Variants in PLPP4 observed in about 807,000 individuals in gnomAD.
PLPP4 encodes the protein phospholipid phosphatase 4.
In PLPP4, 20 loss-of-function variants were observed where a neutral mutation model predicts 32.2. That is an observed-to-expected ratio of 0.62 (90% CI 0.44 to 0.90). The LOEUF is 0.90. Among genes scored for constraint, PLPP4 ranks in the 40% least tolerant of loss-of-function variants. The pLI is 0.00. For missense variants in PLPP4, 257 were observed against 353.1 expected (o/e 0.73, Z 2.18); for synonymous variants, 127 against 133.0 (o/e 0.95, Z 0.31).
At chr10:120,571,970 A>G (rs1848961592) in intron 5 of PLPP4, among the ~76,000 whole-genome samples, 1 of 152,200 alleles carries the variant, frequency 6.6e-6, no homozygotes, top group African/African-American at 2.4e-5. Context: ...AACTTAGGAA[A>G]GTAAGGGCAC....
At chr10:120,489,571 G>A (rs1053408324) in intron 1 of PLPP4, among the ~76,000 whole-genome samples, 3 of 152,156 alleles carry the variant, frequency 2.0e-5, no homozygotes, top group Non-Finnish European at 2.9e-5. Flanking sequence ...ACCTTGGGGT[G>A]GGCATTTGCC....
chr10:120,555,712 T>C (rs545188303), intron 5 of PLPP4, among the ~76,000 whole-genome samples: 3 of 152,340 alleles, frequency 2.0e-5, no homozygotes, highest in Admixed American at 1.3e-4. Flanking sequence ...TAATTTCAAG[T>C]CTTGTATCTA....
At chr10:120,568,878 A>G (rs926058666) in intron 5 of PLPP4, among the ~76,000 whole-genome samples, 2 of 152,228 alleles carry the variant, frequency 1.3e-5, no homozygotes, top group African/African-American at 4.8e-5. Context: ...ATGAGTTTTC[A>G]TAAGCATTTT....
intron 1 of PLPP4, among the ~76,000 whole-genome samples, chr10:120,487,960 C>T (rs890940765): frequency 1.2e-4 from 19 of 152,118 alleles, no homozygotes; most frequent in Admixed American, 4.6e-4. Flanking sequence ...CCTGGAAATC[C>T]AAGACAGGAG....
intron 5 of PLPP4, among the ~76,000 whole-genome samples, chr10:120,567,913 T>G (rs1397704085): frequency 6.6e-6 from 1 of 152,230 alleles, no homozygotes; most frequent in African/African-American, 2.4e-5. Context: ...CTATTTATGG[T>G]CAGCTTCCTT....
chr10:120,574,565 T>A (rs951710708), intron 5 of PLPP4, among the ~76,000 whole-genome samples: 2 of 152,182 alleles, frequency 1.3e-5, no homozygotes, highest in African/African-American at 4.8e-5. Flanking sequence ...TCAAACTCAC[T>A]CTTTTGTAGC....
chr10:120,481,136 C>T (rs1462581285), intron 1 of PLPP4, among the ~76,000 whole-genome samples: 1 of 152,208 alleles, frequency 6.6e-6, no homozygotes, highest in Admixed American at 6.5e-5. Flanking sequence ...GGCATACATT[C>T]CTGGAGCATG....
Position 120,457,257 on chromosome 10 carries a change from A to G in PLPP4, c.-49A>G, listed in dbSNP as rs1847820266. The G allele has an allele frequency of 4.3e-6, 6 of 1,406,822 alleles. No homozygotes were observed. The highest frequency in any genetic ancestry group is 3.1e-5 in the East Asian group (1 of 32,378). The allele number at this position is 1,406,822 out of a possible 1,614,324, so 87.1% of individuals were successfully genotyped here. A position where few individuals can be genotyped will look rare whatever the true frequency, so the allele number is the denominator to read the frequency against. On this transcript the variant is annotated 5_prime_UTR_variant, in exon 1 of 7. Transcript: ENST00000398250. ...GAGCCGGCGCCGGCCGAGCTGCGGG[A>G]GCCGCGGAGAGCACCAGCTGACGCC...
At chr10:120,496,873 G>A (rs1210096623) in intron 1 of PLPP4, among the ~76,000 whole-genome samples, 1 of 151,660 alleles carries the variant, frequency 6.6e-6, no homozygotes. Context: ...GAGAGAGAGA[G>A]AGAGAAAGGA....
intron 2 of PLPP4, among the ~76,000 whole-genome samples, chr10:120,508,819 G>A (rs546551808): frequency 6.6e-6 from 1 of 152,328 alleles, no homozygotes; most frequent in Admixed American, 6.5e-5. Flanking sequence ...AAGGGTGCAG[G>A]TGGGCTTGAA....
intron 1 of PLPP4, among the ~76,000 whole-genome samples, chr10:120,499,604 T>TG (rs1247825982): frequency 1.3e-5 from 2 of 152,146 alleles, no homozygotes; most frequent in Non-Finnish European, 2.9e-5. Context: ...GCTGCTGCCC[T>TG]GGCCCCTTGT....
chr10:120,529,181 T>C (rs531355411), intron 5 of PLPP4, among the ~76,000 whole-genome samples: 15 of 118,794 alleles, frequency 1.3e-4, no homozygotes, highest in African/African-American at 4.6e-4. Flanking sequence ...TTGTCACAAG[T>C]GTGCGTGTGT....
chr10:120,500,845 T>A (rs981547987), intron 1 of PLPP4, among the ~76,000 whole-genome samples: 3 of 152,166 alleles, frequency 2.0e-5, no homozygotes, highest in African/African-American at 7.2e-5. Context: ...CCAGTTAGGA[T>A]CTGTCTCAAT....
At chr10:120,498,400 T>C (rs2133854422) in intron 1 of PLPP4, among the ~76,000 whole-genome samples, 1 of 152,304 alleles carries the variant, frequency 6.6e-6, no homozygotes, top group African/African-American at 2.4e-5. Context: ...ACCTATACAG[T>C]GTCATTAAAT....
At chr10:120,512,126 G>C (rs1478315437) in intron 2 of PLPP4, among the ~76,000 whole-genome samples, 1 of 152,130 alleles carries the variant, frequency 6.6e-6, no homozygotes, top group Non-Finnish European at 1.5e-5. Flanking sequence ...TTCCAGACCA[G>C]CTGTATAAGC....
intron 1 of PLPP4, among the ~76,000 whole-genome samples, chr10:120,470,891 G>A (rs1199465878): frequency 1.3e-5 from 2 of 152,162 alleles, no homozygotes; most frequent in Admixed American, 6.5e-5. Flanking sequence ...AATTTGGGTA[G>A]GTTGCTTCAT....
intron 3 of PLPP4, among the ~76,000 whole-genome samples, chr10:120,517,485 T>C (rs576832595): frequency 3.2e-4 from 48 of 151,978 alleles, no homozygotes; most frequent in Admixed American, 1.2e-3. Flanking sequence ...TCTTTCCAAG[T>C]TCCCTCATAT....
chr10:120,514,172 C>A (rs1413941922), intron 3 of PLPP4, among the ~76,000 whole-genome samples, 171 bp downstream of exon 3: 10 of 152,138 alleles, frequency 6.6e-5, no homozygotes, highest in Admixed American at 1.3e-4. Context: ...AGCCAACGTG[C>A]GGTCCTAAAT....
intron 5 of PLPP4, among the ~76,000 whole-genome samples, chr10:120,531,872 C>CACA (rs1564820877): frequency 2.2e-4 from 10 of 45,558 alleles, no homozygotes; most frequent in African/African-American, 6.2e-4. Context: ...ACTACACACA[C>CACA]TACACACACA....
Sources: gnomAD v4.1 joint callset for allele counts (sites outside exome capture counted in the v4.1 genomes callset) on GRCh38, gnomAD v4.1.1 for gene constraint, MANE v1.5 for transcripts, NCBI Gene and HGNC (gene_info 2026-07-23, HGNC 2026-07-21) for gene names.